Variants in UROC1 observed in about 807,000 individuals in gnomAD.
UROC1 encodes urocanate hydratase.
UROC1 carries 79 observed loss-of-function variants against 89.5 expected under a neutral mutation model. The observed-to-expected ratio is 0.88, with a 90% CI of 0.74 to 1.06. The LOEUF is 1.06. Ranked by LOEUF, UROC1 falls within the 50% of genes least tolerant of loss-of-function variation. The pLI, the probability that UROC1 is intolerant of heterozygous loss-of-function variation, is 0.00. For synonymous variants in UROC1, 361 were observed against 354.8 expected (o/e 1.02, Z -0.20); for missense variants, 885 against 907.8 (o/e 0.97, Z 0.32).
At chr3:126,486,558 G>A (rs757500904) in intron 18 of UROC1, among the ~76,000 whole-genome samples, 2 of 152,262 alleles carry the variant, frequency 1.3e-5, no homozygotes, top group Non-Finnish European at 2.9e-5. Flanking sequence ...AAGAGGGGCT[G>A]CAGGAGACAG....
intron 18 of UROC1, among the ~76,000 whole-genome samples, chr3:126,485,599 A>AT (rs915423838): frequency 6.6e-4 from 92 of 138,526 alleles, no homozygotes; most frequent in Non-Finnish European, 1.0e-3. Context: ...TTATTTATTT[A>AT]TTTTTTTTTG....
At chr3:126,490,379 G>A (rs1438891597) in intron 16 of UROC1, among the ~76,000 whole-genome samples, 1 of 152,154 alleles carries the variant, frequency 6.6e-6, no homozygotes, top group African/African-American at 2.4e-5. Flanking sequence ...CTGTGCATGG[G>A]CAGGCCTGCT....
rs893316974 is a variant in UROC1, at chr3:126,505,621, G to A, written c.813+80C>T. On this transcript the variant is annotated intron_variant, in intron 8 of 19. Coordinates refer to ENST00000290868, the MANE Select transcript of UROC1 (RefSeq NM_144639.3). ...ATGAGAAGGGGGGTCTGTGGTGTAA[G>A]TGATCCGGGAGGAAGAAGGGAGGGA... is the stretch of plus-strand genomic sequence containing the variant. The A allele has an allele frequency of 2.0e-5, 32 of 1,568,114 alleles. No homozygotes were observed. In the African/African-American group the frequency reaches 2.1e-4, roughly 10 times the overall value.
chr3:126,498,049 A>G lies in UROC1; in HGVS notation c.1438+2T>C. ...CATGGGCATCCCCACCAATGGCGTC[A>G]CCTCCATCAGCAATGGCTTCCTCCA... On this transcript the variant is annotated splice_donor_variant, in intron 14 of 19. Coordinates refer to ENST00000290868, the MANE Select transcript of UROC1 (RefSeq NM_144639.3). LOFTEE classifies it high-confidence loss of function. The G allele has an allele frequency of 1.9e-6, 3 of 1,613,974 alleles. No homozygotes were observed. The highest frequency in any genetic ancestry group is 2.5e-6 in the Non-Finnish European group (3 of 1,179,990).
intron 9 of UROC1, 91 bp downstream of exon 9, chr3:126,503,904 C>G (rs1935994028): frequency 1.4e-6 from 2 of 1,448,106 alleles, no homozygotes; most frequent in Admixed American, 3.3e-5. Flanking sequence ...TTAAACAGGC[C>G]CACACCAAGC....
Position 126,481,298 on chromosome 3 carries a change from G to GT in UROC1, c.*1046dup, listed in dbSNP as rs1296696289. ...GCAAGGAAGGCTGGAGAATCAGGTGGTTTTATTTACCCTATATTGCTGCCC... is the reference window on the plus strand; with the variant it reads ...GCAAGGAAGGCTGGAGAATCAGGTGGTTTTTATTTACCCTATATTGCTGCCC... On this transcript the variant is annotated 3_prime_UTR_variant, in exon 20 of 20. Coordinates refer to ENST00000290868, the MANE Select transcript of UROC1 (RefSeq NM_144639.3). 40 of 152,254 alleles carry GT rather than the reference G, an allele frequency of 2.6e-4. No homozygotes were observed. The highest frequency in any genetic ancestry group is 6.5e-4 in the African/African-American group (27 of 41,528). The allele number at this position is 152,254 out of a possible 1,614,324, so 9.4% of individuals were successfully genotyped here. A position where few individuals can be genotyped will look rare whatever the true frequency, so the allele number is the denominator to read the frequency against.
At chr3:126,494,614 C>T (rs1048171009) in intron 15 of UROC1, among the ~76,000 whole-genome samples, 3 of 152,228 alleles carry the variant, frequency 2.0e-5, no homozygotes, top group African/African-American at 7.2e-5. Context: ...GGTCCATGGC[C>T]AAAGGTGTAT....
intron 4 of UROC1, 79 bp downstream of exon 4, chr3:126,508,337 G>A (rs1936117721): frequency 6.7e-7 from 1 of 1,482,614 alleles, no homozygotes; most frequent in Non-Finnish European, 9.4e-7. Flanking sequence ...CTGAGCTGTG[G>A]GTTTGTAAGC....
At chr3:126,503,801 G>A (rs1033589876) in intron 9 of UROC1, among the ~76,000 whole-genome samples, 194 bp downstream of exon 9, 3 of 152,242 alleles carry the variant, frequency 2.0e-5, no homozygotes, top group Admixed American at 1.3e-4. Flanking sequence ...CACCACCCGC[G>A]GGTCAGCCCT....
chr3:126,500,230 C>T (rs1576721303), intron 11 of UROC1, 76 bp from the exon 12 acceptor site: 43 of 1,443,144 alleles, frequency 3.0e-5, no homozygotes, highest in South Asian at 4.7e-5. Flanking sequence ...CAGTCGCACC[C>T]GCCATGCTCC....
chr3:126,486,734 C>CG (rs1209026253), intron 18 of UROC1, among the ~76,000 whole-genome samples: 1 of 152,084 alleles, frequency 6.6e-6, no homozygotes, highest in East Asian at 1.9e-4. Flanking sequence ...TGCAGAGTTG[C>CG]GGGGGGTGGG....
chr3:126,500,906 C>G, intron 10 of UROC1, 32 bp from the exon 11 acceptor site: 1 of 1,580,004 alleles, frequency 6.3e-7, no homozygotes, highest in Non-Finnish European at 8.6e-7. Context: ...CAGTGCAAGC[C>G]ACACACAGCC....
chr3:126,494,745 A>G (rs1427425629), intron 15 of UROC1, among the ~76,000 whole-genome samples: 1 of 152,102 alleles, frequency 6.6e-6, no homozygotes, highest in Non-Finnish European at 1.5e-5. Context: ...CGATTGTCAC[A>G]TGGTTGCAAC....
Position 126,488,224 on chromosome 3 carries a change from G to T in UROC1, c.1764C>A (p.Ala588=). 1 of 1,614,210 alleles carries T rather than the reference G, an allele frequency of 6.2e-7. No individual in the cohort carries two copies. The highest frequency in any genetic ancestry group is 8.5e-7 in the Non-Finnish European group (1 of 1,180,030). The stretch of plus-strand genomic sequence containing the variant: ...AGCCCACGCCCCCTCCGTTGTGAAG[G>T]GCGACCCAGGTGGCTCCGCGACAGG... ...GDACRGATWV[A]LHNGGGVGWG... is the part of the protein sequence containing the mutation. Residue 588 remains alanine, a synonymous_variant, in exon 18 of 20, where the codon GCC becomes GCA. Transcript: ENST00000290868.
chr3:126,510,142 A>G (rs916483358), intron 2 of UROC1, among the ~76,000 whole-genome samples: 3 of 152,182 alleles, frequency 2.0e-5, no homozygotes, highest in Admixed American at 2.0e-4. Context: ...CTTCAAGAAC[A>G]ATGAACTGCA....
At chr3:126,499,105 G>A (rs952613057) in intron 13 of UROC1, among the ~76,000 whole-genome samples, 1 of 151,956 alleles carries the variant, frequency 6.6e-6, no homozygotes, top group African/African-American at 2.4e-5. Flanking sequence ...TGTTCTCACT[G>A]AGGCCCTGCA....
chr3:126,513,226 C>CA (rs1201643285), intron 1 of UROC1, among the ~76,000 whole-genome samples: 9 of 152,148 alleles, frequency 5.9e-5, no homozygotes, highest in African/African-American at 1.9e-4. Context: ...GGCAGTAGCT[C>CA]ACTTTTAAAC....
At chr3:126,493,900 C>T (rs753645593) in intron 15 of UROC1, among the ~76,000 whole-genome samples, 4 of 152,178 alleles carry the variant, frequency 2.6e-5, no homozygotes, top group Admixed American at 6.5e-5. Flanking sequence ...GCAGCAGGGC[C>T]GGGCCACGGA....
At position 126,499,438 on chromosome 3, in the gene UROC1, C is replaced by A. The variant is rs761644749; in HGVS notation, c.1244-29G>T. On this transcript the variant is annotated intron_variant, in intron 12 of 19. Transcript: ENST00000290868. ...TGGGCAGAGCCCGGACAGTCACCAC[C>A]CAAGGCAGGACACCCATGGCCACCC... 5.6e-6 allele frequency: 9 copies of A among 1,600,704 alleles called. No homozygotes were observed. The South Asian group carries it at 1.0e-4, about 18-fold the overall frequency.
Sources: allele counts gnomAD v4.1 joint callset (sites outside exome capture counted in the v4.1 genomes callset), GRCh38; gene constraint gnomAD v4.1.1; transcripts MANE v1.5; gene names NCBI Gene and HGNC (gene_info 2026-07-23, HGNC 2026-07-21).